Variants in SCARB1 observed in about 807,000 individuals in gnomAD.
SCARB1 encodes the protein CD36 and LIMPII analogous 1.
In SCARB1, 30 loss-of-function variants were observed where a neutral mutation model predicts 57.2. That is an observed-to-expected ratio of 0.52 (90% CI 0.39 to 0.71). SCARB1 has a LOEUF of 0.71. Among genes scored for constraint, SCARB1 ranks in the 30% least tolerant of loss-of-function variants. The pLI is 0.00. For missense variants in SCARB1, 543 were observed against 671.2 expected (o/e 0.81, Z 2.11); for synonymous variants, 249 against 268.3 (o/e 0.93, Z 0.70).
At chr12:124,841,481 C>T (rs530383383) in intron 1 of SCARB1, among the ~76,000 whole-genome samples, 4 of 107,844 alleles carry the variant, frequency 3.7e-5, no homozygotes, top group African/African-American at 1.3e-4. Context: ...GACTCTGTCT[C>T]AAAAAAAAAA....
At chr12:124,855,147 G>A (rs1448647189) in intron 1 of SCARB1, among the ~76,000 whole-genome samples, 1 of 152,218 alleles carries the variant, frequency 6.6e-6, no homozygotes, top group Non-Finnish European at 1.5e-5. Flanking sequence ...CCTTCTAGAA[G>A]CTTCCAGAGA....
At chr12:124,795,727 A>C in intron 8 of SCARB1, among the ~76,000 whole-genome samples, 1 of 152,206 alleles carries the variant, frequency 6.6e-6, no homozygotes, top group East Asian at 1.9e-4. Flanking sequence ...GATCATTTTG[A>C]AGAGTAGGTC....
At chr12:124,857,552 T>C (rs1195848449) in intron 1 of SCARB1, among the ~76,000 whole-genome samples, 1 of 152,200 alleles carries the variant, frequency 6.6e-6, no homozygotes, top group African/African-American at 2.4e-5. Flanking sequence ...TCATTCATTC[T>C]GTAACCTGAC....
At chr12:124,845,277 G>T (rs1423918528) in intron 1 of SCARB1, among the ~76,000 whole-genome samples, 3 of 152,196 alleles carry the variant, frequency 2.0e-5, no homozygotes, top group African/African-American at 4.8e-5. Context: ...CACCGTGGAG[G>T]CCTGCTCAGC....
At position 124,810,659 on chromosome 12, in the gene SCARB1, G is replaced by A. The variant is rs972818076; in HGVS notation, c.727-370C>T. On this transcript the variant is annotated intron_variant, in intron 5 of 12. Coordinates refer to ENST00000261693, the MANE Select transcript of SCARB1 (RefSeq NM_005505.5). This position sits in a 1 kb window ranked among gnomAD's most constrained non-coding sequence, Gnocchi z 4.0. ...AACAGGCACCTCCTGAAAACAATCG[G>A]CACACAGGCAAACTACTTAAAATCA... is the stretch of plus-strand genomic sequence containing the variant. Among the ~76,000 whole-genome samples the A allele has an allele frequency of 1.3e-5, 2 of 152,120 alleles. No homozygotes were observed. Among genetic ancestry groups the A allele is most frequent in the Non-Finnish European group, 2.9e-5 (2 of 68,030 alleles).
In SCARB1 at chr12:124,789,868, G is replaced by A. The variant is rs776481911; in HGVS notation, c.1203-2411C>T. Among the ~76,000 whole-genome samples, 2 of 151,954 alleles carry A rather than the reference G, an allele frequency of 1.3e-5. No individual in the cohort carries two copies. The highest frequency in any genetic ancestry group is 2.4e-5 in the African/African-American group (1 of 41,366). On this transcript the variant is annotated intron_variant, in intron 9 of 12. Transcript: ENST00000261693. The surrounding 1 kb of genome is among the most constrained non-coding windows in gnomAD (Gnocchi z 4.4). Reference sequence around the variant, plus strand: ...TCTACTAAAAATATAAAAATTGGCCGGACGTGGTGGCACATGCCTGTAATC... The same window carrying A: ...TCTACTAAAAATATAAAAATTGGCCAGACGTGGTGGCACATGCCTGTAATC...
chr12:124,794,251 CA>C lies in SCARB1; in HGVS notation c.1202+943del, dbSNP rs775513889. On this transcript the variant is annotated intron_variant, in intron 9 of 12. Coordinates refer to ENST00000261693, the MANE Select transcript of SCARB1 (RefSeq NM_005505.5). The stretch of plus-strand genomic sequence containing the variant: ...ACAATTCTGTGAATATACTGCAAAT[CA>C]CTGAATTGTGCATTTTATTAGGGGG... 3.9e-5 allele frequency among the ~76,000 whole-genome samples: 6 copies of C among 152,014 alleles called. No homozygotes were observed. In the South Asian group the frequency reaches 6.2e-4, roughly 16 times the overall value.
rs918663072 is a variant in SCARB1 at position 124,822,012 on chromosome 12, G to A, written c.127-4305C>T. ...CAGAGTTGGGATAGAATGCCAAGGT[G>A]AGCCCTTGTTGGACGCCACTCCCTC... is the stretch of plus-strand genomic sequence containing the variant. On this transcript the variant is annotated intron_variant, in intron 1 of 12. Transcript: ENST00000261693. This position sits in a 1 kb window ranked among gnomAD's most constrained non-coding sequence, Gnocchi z 5.0. 6.6e-6 allele frequency among the ~76,000 whole-genome samples: 1 copy of A among 152,170 alleles called. No individual in the cohort carries two copies. Among genetic ancestry groups the A allele is most frequent in the African/African-American group, 2.4e-5 (1 of 41,436 alleles).
intron 1 of SCARB1, among the ~76,000 whole-genome samples, chr12:124,831,226 G>A (rs1222232944): frequency 6.6e-6 from 1 of 152,012 alleles, no homozygotes. Context: ...TGATCTGCCT[G>A]CCTCGGCCTC....
At position 124,785,251 on chromosome 12, in the gene SCARB1, T is replaced by A. The variant is rs535575411; in HGVS notation, c.1401+1106A>T. 2.6e-5 allele frequency: 4 copies of A among 152,658 alleles called. No homozygotes were observed. In the South Asian group the frequency reaches 8.3e-4, roughly 32 times the overall value. The allele number at this position is 152,658 out of a possible 1,614,324, so 9.5% of individuals were successfully genotyped here. On this transcript the variant is annotated intron_variant, in intron 11 of 12. Coordinates refer to ENST00000261693, the MANE Select transcript of SCARB1 (RefSeq NM_005505.5). ...GATTCCCCTCTTTAAAAGCCTCCAA[T>A]GCCTCTGTCACTCCCAGAATCAGTT...
chr12:124,863,570 A>G (rs1286173873), intron 1 of SCARB1, 25 bp downstream of exon 1: 1 of 1,592,476 alleles, frequency 6.3e-7, no homozygotes, highest in Admixed American at 1.7e-5. Flanking sequence ...CCGTGCGCGG[A>G]CCCCCTGGGG....
chr12:124,836,009 G>A (rs1951633315), intron 1 of SCARB1, among the ~76,000 whole-genome samples: 1 of 152,232 alleles, frequency 6.6e-6, no homozygotes, highest in Non-Finnish European at 1.5e-5. Context: ...AGTAACACAC[G>A]ATGAGAACGT....
intron 1 of SCARB1, among the ~76,000 whole-genome samples, chr12:124,838,414 C>T (rs951704584): frequency 1.1e-4 from 17 of 152,192 alleles, no homozygotes; most frequent in Non-Finnish European, 2.2e-4. Context: ...AGAGGGCACC[C>T]GGCTATAAAC....
In SCARB1 at chr12:124,782,705, AC is replaced by A; in HGVS notation, c.1507del (p.Val503CysfsTer14). ...SLMTSAPKGS[V>X]LQEAKL Reference sequence around the variant, plus strand: ...CACCTACAGTTTTGCTTCCTGCAGCACAGAGCCCTTGGGAGCTGATGTCATC... The same window carrying A: ...CACCTACAGTTTTGCTTCCTGCAGCAAGAGCCCTTGGGAGCTGATGTCATC... On this transcript the variant is annotated frameshift_variant, in exon 12 of 13. Coordinates refer to ENST00000261693, the MANE Select transcript of SCARB1 (RefSeq NM_005505.5). LOFTEE classifies it high-confidence loss of function. 3 of 1,614,146 alleles carry A rather than the reference AC, an allele frequency of 1.9e-6. No individual in the cohort carries two copies. The highest frequency in any genetic ancestry group is 2.5e-6 in the Non-Finnish European group (3 of 1,179,990).
At position 124,809,843 on chromosome 12, in the gene SCARB1, A is replaced by G. The variant is rs116743693; in HGVS notation, c.842+331T>C. On this transcript the variant is annotated intron_variant, in intron 6 of 12. Transcript: ENST00000261693. ...CTGATGTCTCAGCACCCAGATGGTC[A>G]TGGGGGCCACCAGCCAGACGCCAGA... Among the ~76,000 whole-genome samples, 441 of 152,290 alleles carry G rather than the reference A, an allele frequency of 2.9e-3. 2 individuals carry two copies. Among genetic ancestry groups the G allele is most frequent in the African/African-American group, 0.01 (429 of 41,556 alleles).
At chr12:124,850,183 G>T (rs1422727452) in intron 1 of SCARB1, among the ~76,000 whole-genome samples, 1 of 150,812 alleles carries the variant, frequency 6.6e-6, no homozygotes, top group Non-Finnish European at 1.5e-5. Context: ...GACCAGCCTG[G>T]CCAACCTGGT....
chr12:124,827,632 C>G (rs2135730240), intron 1 of SCARB1, among the ~76,000 whole-genome samples: 1 of 152,226 alleles, frequency 6.6e-6, no homozygotes, highest in Admixed American at 6.5e-5. Flanking sequence ...CTCAGCCCAG[C>G]CCCACAGCCT....
chr12:124,837,915 A>G (rs1951756965), intron 1 of SCARB1, among the ~76,000 whole-genome samples: 1 of 152,244 alleles, frequency 6.6e-6, no homozygotes, highest in Non-Finnish European at 1.5e-5. Context: ...AAAATATGTT[A>G]AAAATAAATA....
chr12:124,845,686 C>T (rs1952117953), intron 1 of SCARB1, among the ~76,000 whole-genome samples: 2 of 139,352 alleles, frequency 1.4e-5, no homozygotes, highest in African/African-American at 2.7e-5. Flanking sequence ...GCCTGGGTGA[C>T]ACAGCAAGAC....
Sources: allele counts gnomAD v4.1 joint callset (sites outside exome capture counted in the v4.1 genomes callset), GRCh38; gene constraint gnomAD v4.1.1; non-coding constraint Gnocchi (gnomAD v3.1); transcripts MANE v1.5; gene names NCBI Gene and HGNC (gene_info 2026-07-23, HGNC 2026-07-21).